Variants in MYLIP observed in about 807,000 individuals in gnomAD.
The protein encoded by MYLIP is E3 ubiquitin-protein ligase MYLIP.
Under a neutral mutation model 45.8 loss-of-function variants are expected in MYLIP, and 26 were observed. That is an observed-to-expected ratio of 0.57 (90% CI 0.42 to 0.79). The LOEUF (loss-of-function observed/expected upper bound fraction) is 0.79, where lower values mean the gene tolerates loss of function less well. Among genes scored for constraint, MYLIP ranks in the 30% least tolerant of loss-of-function variants. The pLI, the probability that MYLIP is intolerant of heterozygous loss-of-function variation, is 0.00. For synonymous variants in MYLIP, 213 were observed against 218.1 expected (o/e 0.98, Z 0.21); for missense variants, 494 against 555.6 (o/e 0.89, Z 1.11).
At chr6:16,139,545 C>T (rs937495867) in intron 2 of MYLIP, among the ~76,000 whole-genome samples, 2 of 152,206 alleles carry the variant, frequency 1.3e-5, no homozygotes, top group African/African-American at 4.8e-5. Context: ...CCACCCCAGT[C>T]GAATACAGAG....
At chr6:16,132,589 G>C (rs1036563548) in intron 2 of MYLIP, among the ~76,000 whole-genome samples, 10 of 152,120 alleles carry the variant, frequency 6.6e-5, no homozygotes, top group Non-Finnish European at 1.5e-4. Context: ...GTTTCATGGG[G>C]TTGGCTGAAA....
chr6:16,158,298 T>C, the MYLIP span, among the ~76,000 whole-genome samples: 1 of 152,220 alleles, frequency 6.6e-6, no homozygotes, highest in Non-Finnish European at 1.5e-5. Context: ...AGTCGTTTGG[T>C]CCGAAAAGAC....
chr6:16,147,754 G>A lies in MYLIP; in HGVS notation c.*1003G>A, dbSNP rs1759824751. On this transcript the variant is annotated 3_prime_UTR_variant, in exon 7 of 7. Transcript: ENST00000356840. ...GTCCTTTTCTGTTTTTGGGGGGGGA[G>A]TTTTGTTGTGTTTTTTTAAAGTAAG... is the stretch of plus-strand genomic sequence containing the variant. The A allele has an allele frequency of 6.6e-6, 1 of 152,500 alleles. No homozygotes were observed. Among genetic ancestry groups the A allele is most frequent in the South Asian group, 2.1e-4 (1 of 4,816 alleles). 9.4% of individuals were successfully genotyped at this position (152,500 alleles called of 1,614,324 possible). A position where few individuals can be genotyped will look rare whatever the true frequency, so the allele number is the denominator to read the frequency against.
At chr6:16,150,918 C>G (rs113759072), downstream of MYLIP, among the ~76,000 whole-genome samples, 2 of 151,990 alleles carry the variant, frequency 1.3e-5, no homozygotes, top group African/African-American at 4.8e-5. Flanking sequence ...GGGAAGTGTC[C>G]CCTTAACTCT....
At chr6:16,160,280 G>A in the MYLIP span, among the ~76,000 whole-genome samples, 2 of 152,170 alleles carry the variant, frequency 1.3e-5, no homozygotes, top group South Asian at 2.1e-4. Flanking sequence ...AGAGAGGGGG[G>A]TTATGGCAGA....
At chr6:16,135,389 T>C (rs1252678202) in intron 2 of MYLIP, among the ~76,000 whole-genome samples, 1 of 152,208 alleles carries the variant, frequency 6.6e-6, no homozygotes, top group East Asian at 1.9e-4. Flanking sequence ...ACTTTTGAAG[T>C]TGGAAATTTT....
At chr6:16,149,173 C>T (rs1210964062), downstream of MYLIP, among the ~76,000 whole-genome samples, 1 of 152,082 alleles carries the variant, frequency 6.6e-6, no homozygotes, top group Non-Finnish European at 1.5e-5. Flanking sequence ...GCAGAATCCA[C>T]GAATACTAGC....
chr6:16,149,208 A>G (rs145043844), downstream of MYLIP, among the ~76,000 whole-genome samples: 262 of 152,360 alleles, frequency 1.7e-3, 4 homozygotes, highest in East Asian at 0.041. Flanking sequence ...TGGGCATACC[A>G]GTATCAAAAT....
At position 16,129,479 on chromosome 6, in the gene MYLIP, G is replaced by T; in HGVS notation, c.87+70G>T. 4.1e-6 allele frequency: 6 copies of T among 1,446,230 alleles called. No individual in the cohort carries two copies. The highest frequency in any genetic ancestry group is 5.7e-6 in the Non-Finnish European group (6 of 1,061,102). 89.6% of individuals were successfully genotyped at this position (1,446,230 alleles called of 1,614,324 possible). On this transcript the variant is annotated intron_variant, in intron 1 of 6. Transcript: ENST00000356840. The surrounding 1 kb of genome is among the most constrained non-coding windows in gnomAD (Gnocchi z 5.1). ...CCGAGGGGCCTCGCAGCGACGCCTG[G>T]CACTCTGGCGCGCCCCCTACTAGGG...
At chr6:16,162,791 A>AAAAAAAAAG in the MYLIP span, among the ~76,000 whole-genome samples, 1 of 150,220 alleles carries the variant, frequency 6.7e-6, no homozygotes, top group African/African-American at 2.5e-5. Flanking sequence ...ACTCTAAAAA[A>AAAAAAAAAG]AAAAAAAAAA....
intron 2 of MYLIP, among the ~76,000 whole-genome samples, chr6:16,132,274 G>A (rs993718648): frequency 6.6e-6 from 1 of 152,170 alleles, no homozygotes; most frequent in Non-Finnish European, 1.5e-5. Flanking sequence ...TAATTGACTA[G>A]TAGATGGTCT....
chr6:16,153,685 AGT>A, the MYLIP span, among the ~76,000 whole-genome samples: 2 of 152,078 alleles, frequency 1.3e-5, no homozygotes, highest in African/African-American at 4.8e-5. Context: ...GGGCCAGGAG[AGT>A]GTGTGTGCCA....
Position 16,147,027 on chromosome 6 carries a change from G to A in MYLIP, c.*276G>A, listed in dbSNP as rs981952442. 1 of 280,756 alleles carries A rather than the reference G, an allele frequency of 3.6e-6. No individual in the cohort carries two copies. The highest frequency in any genetic ancestry group is 7.0e-6 in the Non-Finnish European group (1 of 143,612). The allele number at this position is 280,756 out of a possible 1,614,324, so 17.4% of individuals were successfully genotyped here. On this transcript the variant is annotated 3_prime_UTR_variant, in exon 7 of 7. Transcript: ENST00000356840. ...TTTTTTATGATCTAGTAAAGGAATA[G>A]GTAAAGTCTTTGATGTCAGTGAAGT... is the stretch of plus-strand genomic sequence containing the variant.
chr6:16,143,055 G>A lies in MYLIP; in HGVS notation c.500G>A (p.Ser167Asn). 1.2e-6 allele frequency: 2 copies of A among 1,614,178 alleles called. No individual in the cohort carries two copies. Among genetic ancestry groups the A allele is most frequent in the African/African-American group, 2.7e-5 (2 of 75,038 alleles). Reference protein sequence around the residue: ...VAKHKELEGTSQASAEYQVLQ... With the variant: ...VAKHKELEGTNQASAEYQVLQ... The stretch of plus-strand genomic sequence containing the variant: ...AAACATAAGGAGTTGGAGGGGACCA[G>A]CCAGGCTTCAGCTGAATACCAAGTT... The change falls in exon 4 of 7, where the codon AGC becomes AAC. Residue 167 changes from serine (S) to asparagine (N), a missense_variant. Transcript: ENST00000356840.
At chr6:16,145,356 C>T (rs1424780638) in intron 6 of MYLIP, 39 bp downstream of exon 6, 3 of 1,538,200 alleles carry the variant, frequency 2.0e-6, no homozygotes, top group African/African-American at 1.4e-5. Flanking sequence ...TGCAGCCTCA[C>T]CTATCCCTCC....
intron 2 of MYLIP, among the ~76,000 whole-genome samples, chr6:16,138,147 AAC>A (rs1453869444): frequency 6.6e-6 from 1 of 152,226 alleles, no homozygotes; most frequent in African/African-American, 2.4e-5. Flanking sequence ...AGACAGAGAA[AAC>A]AGTTTTTTTC....
In MYLIP at chr6:16,143,198, G is replaced by A. The variant is rs759555686; in HGVS notation, c.643G>A (p.Asp215Asn). ...GPEGISICKD[D>N]FSPINRIAYP... ...TGAAGGAATCTCAATTTGTAAAGAT[G>A]ACTTTAGCCCAATTAATAGGTAAGC... The change falls in exon 4 of 7, where the codon GAC (aspartate) becomes AAC (asparagine). Residue 215 changes from aspartate to asparagine, a missense_variant. By Grantham distance (23) the Asp-to-Asn change is conservative. Coordinates refer to ENST00000356840, the MANE Select transcript of MYLIP (RefSeq NM_013262.4). 1 of 1,614,094 alleles carries A rather than the reference G, an allele frequency of 6.2e-7. No individual in the cohort carries two copies. The highest frequency in any genetic ancestry group is 8.5e-7 in the Non-Finnish European group (1 of 1,180,020).
intron 2 of MYLIP, among the ~76,000 whole-genome samples, chr6:16,139,861 G>GA (rs1376689695): frequency 1.3e-5 from 2 of 152,022 alleles, no homozygotes; most frequent in Admixed American, 6.6e-5. Context: ...TTGAAAAAAA[G>GA]AAAAAACTGC....
chr6:16,141,840 A>C (rs748499615), intron 3 of MYLIP, 30 bp downstream of exon 3: 1 of 1,568,538 alleles, frequency 6.4e-7, no homozygotes, highest in Non-Finnish European at 8.7e-7. Flanking sequence ...TATTGTTTAC[A>C]ACTAGAATAG....
Sources: gnomAD v4.1 joint callset for allele counts (sites outside exome capture counted in the v4.1 genomes callset) on GRCh38, gnomAD v4.1.1 for gene constraint, Gnocchi (gnomAD v3.1) non-coding constraint, MANE v1.5 for transcripts, NCBI Gene and HGNC (gene_info 2026-07-23, HGNC 2026-07-21) for gene names.